Variants in GPR19 observed in about 807,000 individuals in gnomAD.
GPR19 encodes probable G protein-coupled receptor 19.
GPR19 carries 14 observed loss-of-function variants against 28.5 expected under a neutral mutation model. The observed-to-expected ratio is 0.49, with a 90% confidence interval of 0.32 to 0.77. The LOEUF (loss-of-function observed/expected upper bound fraction) is 0.77. GPR19 is among the 30% of genes least tolerant of loss of function. GPR19 has a pLI of 0.03. For synonymous variants in GPR19, 173 were observed against 184.1 expected (o/e 0.94, Z 0.49); for missense variants, 409 against 504.1 (o/e 0.81, Z 1.81).
upstream of GPR19, among the ~76,000 whole-genome samples, chr12:12,696,723 C>A (rs1443133376): frequency 1.3e-5 from 2 of 152,224 alleles, no homozygotes. Context: ...CCAGGCGAAG[C>A]GCTGTGTCGC....
the GPR19 span, chr12:12,716,598 A>G: frequency 4.4e-6 from 1 of 225,128 alleles, no homozygotes; most frequent in Non-Finnish European, 6.6e-6. Flanking sequence ...GGGACTTGAG[A>G]GACTAGAGTT....
chr12:12,670,900 A>G (rs777218458), intron 3 of GPR19, among the ~76,000 whole-genome samples: 1 of 152,170 alleles, frequency 6.6e-6, no homozygotes, highest in Non-Finnish European at 1.5e-5. Context: ...GTTGTGGATG[A>G]TTTTATGTGA....
chr12:12,675,645 A>T (rs1945920380), intron 3 of GPR19, among the ~76,000 whole-genome samples: 1 of 152,190 alleles, frequency 6.6e-6, no homozygotes, highest in Non-Finnish European at 1.5e-5. Context: ...CATGAGAAAG[A>T]ATTGACATGC....
At chr12:12,665,067 A>T (rs183468044) in intron 3 of GPR19, among the ~76,000 whole-genome samples, 18 of 152,122 alleles carry the variant, frequency 1.2e-4, no homozygotes, top group African/African-American at 2.4e-4. Context: ...TAAACTTTTT[A>T]AAAAACCTGT....
At chr12:12,701,709 T>G in the GPR19 span, among the ~76,000 whole-genome samples, 1 of 152,110 alleles carries the variant, frequency 6.6e-6, no homozygotes, top group South Asian at 2.1e-4. Flanking sequence ...GGCAGGAGGT[T>G]TGCTTGACTC....
At chr12:12,680,285 G>A (rs1945998821) in intron 3 of GPR19, among the ~76,000 whole-genome samples, 1 of 152,182 alleles carries the variant, frequency 6.6e-6, no homozygotes. Context: ...ACATTGAATA[G>A]GTAAGTTAAT....
the GPR19 span, chr12:12,716,603 A>C: frequency 3.2e-5 from 6 of 186,458 alleles, no homozygotes; most frequent in Non-Finnish European, 4.3e-5. Context: ...TTGAGAGACT[A>C]GAGTTTTTTG....
At chr12:12,694,368 T>G (rs1946232858) in intron 2 of GPR19, among the ~76,000 whole-genome samples, 1 of 150,850 alleles carries the variant, frequency 6.6e-6, no homozygotes, top group South Asian at 2.1e-4. Context: ...CCGGCTAATT[T>G]TTTGTATTTT....
the GPR19 span, among the ~76,000 whole-genome samples, chr12:12,703,696 T>A: frequency 6.6e-6 from 1 of 152,198 alleles, no homozygotes; most frequent in South Asian, 2.1e-4. Flanking sequence ...GGCCCCATCA[T>A]AAACCATAGT....
upstream of GPR19, among the ~76,000 whole-genome samples, chr12:12,697,052 A>G (rs558557146): frequency 2.1e-4 from 32 of 152,034 alleles, no homozygotes; most frequent in African/African-American, 7.0e-4. Flanking sequence ...ATGTAGGCCT[A>G]GTTATGGTAA....
intron 2 of GPR19, among the ~76,000 whole-genome samples, chr12:12,686,885 T>A (rs952472999): frequency 6.6e-6 from 1 of 152,372 alleles, no homozygotes; most frequent in East Asian, 1.9e-4. Context: ...CATGTATATA[T>A]TATGGCTTAA....
chr12:12,674,494 G>A (rs1424576602), intron 3 of GPR19, among the ~76,000 whole-genome samples: 1 of 152,086 alleles, frequency 6.6e-6, no homozygotes, highest in Non-Finnish European at 1.5e-5. Context: ...TGGAGACAGA[G>A]CCAACAAGAT....
the GPR19 span, among the ~76,000 whole-genome samples, chr12:12,706,646 A>C: frequency 6.6e-6 from 1 of 151,894 alleles, no homozygotes; most frequent in Non-Finnish European, 1.5e-5. Flanking sequence ...CTCTCAATCA[A>C]CCCTATCTCA....
chr12:12,678,584 G>A (rs1313552285), intron 3 of GPR19, among the ~76,000 whole-genome samples: 3 of 152,100 alleles, frequency 2.0e-5, no homozygotes, highest in African/African-American at 7.2e-5. Flanking sequence ...CTACTAATGA[G>A]CACTTTTCTT....
chr12:12,712,996 A>G, the GPR19 span, among the ~76,000 whole-genome samples: 1 of 151,030 alleles, frequency 6.6e-6, no homozygotes, highest in African/African-American at 2.4e-5. Context: ...GGCTTTCCAT[A>G]TCGCCAGGCC....
At chr12:12,692,893 C>T (rs370345915) in intron 2 of GPR19, among the ~76,000 whole-genome samples, 9 of 152,232 alleles carry the variant, frequency 5.9e-5, no homozygotes, top group Middle Eastern at 3.4e-3. Context: ...GCATTCCTAT[C>T]GGTCCCAGGA....
intron 3 of GPR19, among the ~76,000 whole-genome samples, chr12:12,665,293 C>CT (rs1353260218): frequency 6.6e-6 from 1 of 152,192 alleles, no homozygotes; most frequent in Non-Finnish European, 1.5e-5. Context: ...ACCGCTTTAA[C>CT]TAAAGCCCGG....
At chr12:12,700,161 T>TTGTC (rs1946311150), upstream of GPR19, among the ~76,000 whole-genome samples, 1 of 145,534 alleles carries the variant, frequency 6.9e-6, no homozygotes, top group Non-Finnish European at 1.5e-5. Context: ...CTCTCTTTCT[T>TTGTC]TCTCTCTCTC....
chr12:12,670,223 A>AT (rs1468135423), intron 3 of GPR19, among the ~76,000 whole-genome samples: 3 of 152,152 alleles, frequency 2.0e-5, no homozygotes, highest in Admixed American at 1.3e-4. Context: ...ATAACAAATA[A>AT]TTTTTTTGTA....
Sources: gnomAD v4.1 joint callset for allele counts (sites outside exome capture counted in the v4.1 genomes callset) on GRCh38, gnomAD v4.1.1 for gene constraint, MANE v1.5 for transcripts, NCBI Gene and HGNC (gene_info 2026-07-23, HGNC 2026-07-21) for gene names.